The following ITM2B variants were observed in gnomAD, a reference collection of about 807,000 sequenced individuals.
The protein encoded by ITM2B is integral membrane protein 2B.
ITM2B carries 11 observed loss-of-function variants against 27.8 expected under a neutral mutation model. The observed-to-expected ratio is 0.40, with a 90% CI of 0.25 to 0.66. The LOEUF is 0.66. Among genes scored for constraint, ITM2B ranks in the 30% least tolerant of loss-of-function variants. The pLI is 0.43. For missense variants in ITM2B, 296 were observed against 328.9 expected, an observed-to-expected ratio of 0.90 and a Z score of 0.77; for synonymous variants, 114 against 114.3, an observed-to-expected ratio of 1.00 and a Z score of 0.02.
rs1164404059 is a variant in ITM2B, at chr13:48,267,918, A to G, written c.*6694A>G. 2.0e-5 allele frequency: 3 copies of G among 152,140 alleles called. No individual in the cohort carries two copies. Among genetic ancestry groups the G allele is most frequent in the African/African-American group, 4.8e-5 (2 of 41,432 alleles). The allele number at this position is 152,140 out of a possible 1,614,324, so 9.4% of individuals were successfully genotyped here. ...TCATATTTTGTTGTGAGTTTTATAG[A>G]TAGTTTACATGCAACGAAATGCATA... is the stretch of plus-strand genomic sequence containing the variant. On this transcript the variant is annotated 3_prime_UTR_variant, in exon 6 of 6. Transcript: ENST00000647800.
chr13:48,265,320 C>T lies in ITM2B; in HGVS notation c.*4096C>T, dbSNP rs1243415285. 6.6e-6 allele frequency: 1 copy of T among 152,038 alleles called. No homozygotes were observed. The highest frequency in any genetic ancestry group is 2.4e-5 in the African/African-American group (1 of 41,380). 9.4% of individuals were successfully genotyped at this position (152,038 alleles called of 1,614,324 possible). A position where few individuals can be genotyped will look rare whatever the true frequency, so the allele number is the denominator to read the frequency against. ...GCCCTAGTGACTAAGCAGATGCAAA[C>T]GCCTTCTTCTTTCCAAACAGTGTGG... On this transcript the variant is annotated 3_prime_UTR_variant, in exon 6 of 6. Transcript: ENST00000647800.
intron 1 of ITM2B, among the ~76,000 whole-genome samples, chr13:48,245,703 C>T (rs868017662): frequency 3.3e-5 from 5 of 149,832 alleles, no homozygotes; most frequent in Admixed American, 6.6e-5. Flanking sequence ...TATATTACTG[C>T]TTTTATATTG....
In ITM2B at chr13:48,256,682, T is replaced by C. The variant is rs535425101; in HGVS notation, c.453+299T>C. ...ATTTTCTTAGATAAGAGGTAATTTA[T>C]GTTCCTGTTTCTTGGTAGCATTTTC... On this transcript the variant is annotated intron_variant, in intron 3 of 5. Coordinates refer to ENST00000647800, the MANE Select transcript of ITM2B (RefSeq NM_021999.5). Among the ~76,000 whole-genome samples the C allele has an allele frequency of 3.9e-5, 6 of 152,350 alleles. No homozygotes were observed. In the South Asian group the frequency reaches 1.0e-3, roughly 26 times the overall value.
At chr13:48,260,341 T>C (rs553776176) in intron 5 of ITM2B, among the ~76,000 whole-genome samples, 4 of 152,354 alleles carry the variant, frequency 2.6e-5, no homozygotes, top group Admixed American at 2.6e-4. Flanking sequence ...GCATGATTTA[T>C]AATCCTTTGT....
At chr13:48,244,806 CTG>C (rs1416156502) in intron 1 of ITM2B, among the ~76,000 whole-genome samples, 2 of 152,042 alleles carry the variant, frequency 1.3e-5, no homozygotes, top group African/African-American at 2.4e-5. Flanking sequence ...TTTAGGGAAA[CTG>C]TTGATACTGG....
intron 5 of ITM2B, 24 bp downstream of exon 5, chr13:48,258,971 T>G (rs747117971): frequency 3.8e-6 from 6 of 1,587,832 alleles, no homozygotes; most frequent in South Asian, 3.4e-5. Flanking sequence ...AATATTAAAG[T>G]GTTGGGCAGA....
At chr13:48,250,366 T>A (rs1310738320) in intron 1 of ITM2B, among the ~76,000 whole-genome samples, 1 of 152,132 alleles carries the variant, frequency 6.6e-6, no homozygotes, top group African/African-American at 2.4e-5. Flanking sequence ...AAGCCTGTAA[T>A]CCGAGCACTT....
At chr13:48,237,565 G>T (rs1341891563) in intron 1 of ITM2B, among the ~76,000 whole-genome samples, 2 of 152,146 alleles carry the variant, frequency 1.3e-5, no homozygotes, top group Non-Finnish European at 2.9e-5. Flanking sequence ...CATATAAAAG[G>T]TTTATGTGAC....
rs1467840803 is a variant in ITM2B, at chr13:48,233,552, G to T, written c.117+75G>T. 1.6e-5 allele frequency: 16 copies of T among 979,680 alleles called. No homozygotes were observed. In the Admixed American group the frequency reaches 3.8e-4, roughly 23 times the overall value. The allele number at this position is 979,680 out of a possible 1,614,324, so 60.7% of individuals were successfully genotyped here. On this transcript the variant is annotated intron_variant, in intron 1 of 5. Coordinates refer to ENST00000647800, the MANE Select transcript of ITM2B (RefSeq NM_021999.5). ...GGGCTGCGCGGACTGCAGCGGCAGT[G>T]CGCCCCGAGGTGGCGGGCGCGGGGC... is the stretch of plus-strand genomic sequence containing the variant.
intron 1 of ITM2B, among the ~76,000 whole-genome samples, chr13:48,241,492 T>A (rs1291361285): frequency 6.6e-6 from 1 of 152,220 alleles, no homozygotes. Flanking sequence ...GATTACAGGC[T>A]GAGCCATAGC....
chr13:48,240,144 A>G (rs967127421), intron 1 of ITM2B, among the ~76,000 whole-genome samples: 2 of 152,216 alleles, frequency 1.3e-5, no homozygotes, highest in African/African-American at 4.8e-5. Flanking sequence ...AATAATCTGT[A>G]ACAATAATAG....
chr13:48,259,543 G>T (rs1053453255), intron 5 of ITM2B, among the ~76,000 whole-genome samples: 1 of 152,164 alleles, frequency 6.6e-6, no homozygotes, highest in Non-Finnish European at 1.5e-5. Flanking sequence ...TGGCAGCTGT[G>T]GAAAGTAAGA....
Position 48,238,788 on chromosome 13 carries a change from GTTTA to G in ITM2B, c.117+5315_117+5318del, listed in dbSNP as rs777204423. On this transcript the variant is annotated intron_variant, in intron 1 of 5. Transcript: ENST00000647800. Reference sequence around the variant, plus strand: ...AAAAACAAGTTTGGTGGATTTTTGTGTTTATTTGAATGATTAACTTTAAGGCTCA... The same window carrying G: ...AAAAACAAGTTTGGTGGATTTTTGTGTTTGAATGATTAACTTTAAGGCTCA... 1.1e-4 allele frequency among the ~76,000 whole-genome samples: 17 copies of G among 152,118 alleles called. No homozygotes were observed. In the East Asian group the frequency reaches 3.1e-3, roughly 28 times the overall value.
rs115032762 is a variant in ITM2B, at chr13:48,266,106, C to T, written c.*4882C>T. On this transcript the variant is annotated 3_prime_UTR_variant, in exon 6 of 6. Transcript: ENST00000647800. ...TTCCCAACCAGTTGTCTGACTTTCT[C>T]CTCAGATCTCATCCCCATGGGTCTG... 6.6e-3 allele frequency: 1,011 copies of T among 152,182 alleles called. 15 individuals carry two copies. The highest frequency in any genetic ancestry group is 0.023 in the African/African-American group (962 of 41,512). 9.4% of individuals were successfully genotyped at this position (152,182 alleles called of 1,614,324 possible).
chr13:48,235,025 T>TATAC (rs543054914), intron 1 of ITM2B, among the ~76,000 whole-genome samples: 6 of 152,096 alleles, frequency 3.9e-5, no homozygotes, highest in South Asian at 2.1e-4. Context: ...TATATATATA[T>TATAC]ACACACATAC....
rs962502647 is a variant in ITM2B, at chr13:48,264,043, G to T, written c.*2819G>T. On this transcript the variant is annotated 3_prime_UTR_variant, in exon 6 of 6. Transcript: ENST00000647800. ...CCTATTGCATTGGTTTAAAAAAAAA[G>T]TACAGAAGTCAAGATGAGACTATAT... 6.6e-6 allele frequency: 1 copy of T among 151,980 alleles called. No individual in the cohort carries two copies. Among genetic ancestry groups the T allele is most frequent in the Non-Finnish European group, 1.5e-5 (1 of 68,012 alleles). The allele number at this position is 151,980 out of a possible 1,614,324, so 9.4% of individuals were successfully genotyped here.
At chr13:48,238,072 G>T (rs1360351064) in intron 1 of ITM2B, among the ~76,000 whole-genome samples, 1 of 152,096 alleles carries the variant, frequency 6.6e-6, no homozygotes, top group Non-Finnish European at 1.5e-5. Flanking sequence ...GGTGATTTTT[G>T]CCTAAATGAT....
At chr13:48,249,457 T>G (rs1951740779) in intron 1 of ITM2B, among the ~76,000 whole-genome samples, 1 of 152,234 alleles carries the variant, frequency 6.6e-6, no homozygotes, top group Non-Finnish European at 1.5e-5. Flanking sequence ...ACTAAATTTT[T>G]GACTCAGTTG....
At position 48,262,674 on chromosome 13, in the gene ITM2B, T is replaced by C. The variant is rs969848904; in HGVS notation, c.*1450T>C. ...AACATATGATATTGTGTTGAAGATA[T>C]ATCTGCAAAGAAGAAAAAAAGCCAC... On this transcript the variant is annotated 3_prime_UTR_variant, in exon 6 of 6. Coordinates refer to ENST00000647800, the MANE Select transcript of ITM2B (RefSeq NM_021999.5). 3.3e-5 allele frequency: 5 copies of C among 152,256 alleles called. No individual in the cohort carries two copies. The highest frequency in any genetic ancestry group is 1.9e-4 in the East Asian group (1 of 5,174). 9.4% of individuals were successfully genotyped at this position (152,256 alleles called of 1,614,324 possible).
Sources: allele counts gnomAD v4.1 joint callset (sites outside exome capture counted in the v4.1 genomes callset), GRCh38; gene constraint gnomAD v4.1.1; transcripts MANE v1.5; gene names NCBI Gene and HGNC (gene_info 2026-07-23, HGNC 2026-07-21).